PITPNA: variants seen among roughly 807,000 people sequenced by gnomAD.
The protein encoded by PITPNA is phosphatidylinositol transfer protein alpha isoform.
A neutral mutation model predicts 50.3 loss-of-function variants in PITPNA; 13 were observed. The observed-to-expected ratio is 0.26, with a 90% CI of 0.17 to 0.41. PITPNA has a LOEUF of 0.41. PITPNA is among the 10% of genes least tolerant of loss of function. PITPNA has a pLI of 1.00. For synonymous variants in PITPNA, 120 were observed against 119.6 expected (o/e 1.00, Z -0.02); for missense variants, 207 against 333.4 (o/e 0.62, Z 2.95).
intron 2 of PITPNA, among the ~76,000 whole-genome samples, chr17:1,553,828 C>T (rs1456298650): frequency 6.6e-6 from 1 of 152,194 alleles, no homozygotes; most frequent in Non-Finnish European, 1.5e-5. Context: ...CCTCTCCTCA[C>T]CCCGCAAGTA....
chr17:1,546,861 C>T (rs1400127308), intron 4 of PITPNA, among the ~76,000 whole-genome samples: 2 of 152,160 alleles, frequency 1.3e-5, no homozygotes, highest in Non-Finnish European at 2.9e-5. Context: ...CCTTTCCTTT[C>T]AAGAAACTCT....
At position 1,519,480 on chromosome 17, in the gene PITPNA, G is replaced by A. The variant is rs2075495553; in HGVS notation, c.*1081C>T. 1 of 152,670 alleles carries A rather than the reference G, an allele frequency of 6.6e-6. No individual in the cohort carries two copies. The highest frequency in any genetic ancestry group is 2.1e-4 in the South Asian group (1 of 4,832). The allele number at this position is 152,670 out of a possible 1,614,324, so 9.5% of individuals were successfully genotyped here. On this transcript the variant is annotated 3_prime_UTR_variant, in exon 12 of 12. Coordinates refer to ENST00000313486, the MANE Select transcript of PITPNA (RefSeq NM_006224.4). ...AGGGCAGAACTCAACATGGGGGTAG[G>A]ACGAGCTAAGTTCTTGATCCCCAAA... is the stretch of plus-strand genomic sequence containing the variant.
At chr17:1,548,995 G>T (rs1488041392) in intron 3 of PITPNA, among the ~76,000 whole-genome samples, 1 of 152,130 alleles carries the variant, frequency 6.6e-6, no homozygotes, top group Non-Finnish European at 1.5e-5. Flanking sequence ...TCCACCTCCA[G>T]GGTCCCAGTT....
chr17:1,542,201 G>GA (rs11349129), intron 5 of PITPNA, among the ~76,000 whole-genome samples: 145 of 132,792 alleles, frequency 1.1e-3, no homozygotes, highest in East Asian at 2.2e-3. Context: ...ACTCCGTTTC[G>GA]AAAAAAAAAA....
At chr17:1,524,030 GTTTT>G (rs943209134) in intron 10 of PITPNA, among the ~76,000 whole-genome samples, 1 of 141,352 alleles carries the variant, frequency 7.1e-6, no homozygotes, top group Admixed American at 7.9e-5. Context: ...CTAAGCCTCA[GTTTT>G]TTTCTTTTTT....
At position 1,562,412 on chromosome 17, in the gene PITPNA, G is replaced by T; in HGVS notation, c.20+129C>A. 1.9e-6 allele frequency: 1 copy of T among 515,588 alleles called. No individual in the cohort carries two copies. Among genetic ancestry groups the T allele is most frequent in the Non-Finnish European group, 2.7e-6 (1 of 375,460 alleles). 31.9% of individuals were successfully genotyped at this position (515,588 alleles called of 1,614,324 possible). A position where few individuals can be genotyped will look rare whatever the true frequency, so the allele number is the denominator to read the frequency against. ...GATCCCCTCCATCCCCGCTGGGCCC[G>T]CCTCAGGCACCCTCCGTCCCTGCTG... On this transcript the variant is annotated intron_variant, in intron 1 of 11. Transcript: ENST00000313486. The surrounding 1 kb of genome is among the most constrained non-coding windows in gnomAD (Gnocchi z 6.4).
intron 9 of PITPNA, 46 bp downstream of exon 9, chr17:1,535,136 A>G: frequency 1.9e-6 from 2 of 1,074,172 alleles, no homozygotes; most frequent in Non-Finnish European, 1.4e-6. Flanking sequence ...ACCCCCCCAC[A>G]ACACACACAC....
chr17:1,534,462 C>T (rs982965526), intron 9 of PITPNA, among the ~76,000 whole-genome samples: 2 of 152,174 alleles, frequency 1.3e-5, no homozygotes, highest in Admixed American at 1.3e-4. Flanking sequence ...CTACCTCACA[C>T]TAGGCCCTCT....
intron 3 of PITPNA, among the ~76,000 whole-genome samples, chr17:1,548,693 C>T (rs968128482): frequency 6.6e-6 from 1 of 152,094 alleles, no homozygotes; most frequent in Non-Finnish European, 1.5e-5. Context: ...TTGCTGGGCC[C>T]AGGGCATTAT....
chr17:1,557,953 G>A (rs1057479053), intron 2 of PITPNA, among the ~76,000 whole-genome samples: 3 of 152,164 alleles, frequency 2.0e-5, no homozygotes, highest in Admixed American at 1.3e-4. Flanking sequence ...GTCCCCGGCC[G>A]GGTGTGGGGG....
chr17:1,539,592 G>A (rs554693725), intron 6 of PITPNA, among the ~76,000 whole-genome samples: 34 of 150,938 alleles, frequency 2.3e-4, no homozygotes, highest in African/African-American at 7.1e-4. Flanking sequence ...AGCTGGGCCC[G>A]AGCAATCCTC....
intron 11 of PITPNA, 61 bp downstream of exon 11, chr17:1,521,517 GC>G: frequency 8.8e-7 from 1 of 1,130,792 alleles, no homozygotes; most frequent in Non-Finnish European, 1.4e-6. Context: ...AGCTGCTGAG[GC>G]CTTGAAACCC....
At chr17:1,558,382 A>C (rs148047593) in intron 2 of PITPNA, 147 bp downstream of exon 2, 331 of 638,634 alleles carry the variant, frequency 5.2e-4, no homozygotes, top group African/African-American at 5.1e-3. Context: ...TTTTCAACTG[A>C]AAGTGGCACC....
intron 5 of PITPNA, among the ~76,000 whole-genome samples, chr17:1,542,623 G>C (rs1307894609): frequency 1.3e-5 from 2 of 152,214 alleles, no homozygotes; most frequent in African/African-American, 4.8e-5. Context: ...CTGTGGAAGA[G>C]AAACCCCGCT....
chr17:1,547,319 T>C lies in PITPNA; in HGVS notation c.289+977A>G, dbSNP rs144510496. Among the ~76,000 whole-genome samples, 931 of 152,002 alleles carry C rather than the reference T, an allele frequency of 6.1e-3. 19 individuals are homozygous for C. Among genetic ancestry groups the C allele is most frequent in the African/African-American group, 0.021 (874 of 41,416 alleles). On this transcript the variant is annotated intron_variant, in intron 4 of 11. Coordinates refer to ENST00000313486, the MANE Select transcript of PITPNA (RefSeq NM_006224.4). The stretch of plus-strand genomic sequence containing the variant: ...AGGTTAAGGCTGCAGTGAGCTGTGG[T>C]TGTGCCACTGGACACCAGCCTGGAC...
At chr17:1,546,455 C>G (rs753409791) in intron 4 of PITPNA, among the ~76,000 whole-genome samples, 1 of 152,202 alleles carries the variant, frequency 6.6e-6, no homozygotes, top group African/African-American at 2.4e-5. Context: ...GGATTGCAGT[C>G]ATTCCCAAAG....
intron 7 of PITPNA, among the ~76,000 whole-genome samples, chr17:1,536,573 G>A (rs185355424): frequency 1.3e-5 from 2 of 151,580 alleles, no homozygotes; most frequent in African/African-American, 4.8e-5. Flanking sequence ...ACAGGCGTGA[G>A]CCACCGCGCC....
chr17:1,553,169 G>A lies in PITPNA; in HGVS notation c.52-20C>T, dbSNP rs778024049. Reference sequence around the variant, plus strand: ...TTGATACTAAAGGACAGAGACAGATGTTATTCTCAACACGGACCCTTCTCA... The same window carrying A: ...TTGATACTAAAGGACAGAGACAGATATTATTCTCAACACGGACCCTTCTCA... On this transcript the variant is annotated intron_variant, in intron 2 of 11. Coordinates refer to ENST00000313486, the MANE Select transcript of PITPNA (RefSeq NM_006224.4). 5 of 1,613,310 alleles carry A rather than the reference G, an allele frequency of 3.1e-6. No homozygotes were observed. The highest frequency in any genetic ancestry group is 2.2e-5 in the East Asian group (1 of 44,890).
In PITPNA at chr17:1,518,551, A is replaced by G. The variant is rs1465243765; in HGVS notation, c.*2010T>C. ...GCAATTCCAGATCCAGGCTGACCTC[A>G]GCTCATAATGGATGCTTTTCAACTG... On this transcript the variant is annotated 3_prime_UTR_variant, in exon 12 of 12. Coordinates refer to ENST00000313486, the MANE Select transcript of PITPNA (RefSeq NM_006224.4). 1 of 152,718 alleles carries G rather than the reference A, an allele frequency of 6.5e-6. No individual in the cohort carries two copies. The highest frequency in any genetic ancestry group is 1.5e-5 in the Non-Finnish European group (1 of 68,086). The allele number at this position is 152,718 out of a possible 1,614,324, so 9.5% of individuals were successfully genotyped here.
Sources: allele counts gnomAD v4.1 joint callset (sites outside exome capture counted in the v4.1 genomes callset), GRCh38; gene constraint gnomAD v4.1.1; non-coding constraint Gnocchi (gnomAD v3.1); transcripts MANE v1.5; gene names NCBI Gene and HGNC (gene_info 2026-07-23, HGNC 2026-07-21).